The following HOMER1 variants were observed in gnomAD, a reference collection of about 807,000 sequenced individuals.
The protein encoded by HOMER1 is homer protein homolog 1.
Under a neutral mutation model 48.9 loss-of-function variants are expected in HOMER1, and 3 were observed. The observed-to-expected ratio is 0.06, with a 90% CI of 0.03 to 0.16. The LOEUF (loss-of-function observed/expected upper bound fraction) is 0.16, where lower values mean the gene tolerates loss of function less well. Among genes scored for constraint, HOMER1 ranks in the 10% least tolerant of loss-of-function variants. HOMER1 has a pLI of 1.00. For synonymous variants in HOMER1, 134 were observed against 146.4 expected, an observed-to-expected ratio of 0.92 and a Z score of 0.61; for missense variants, 247 against 411.4, an observed-to-expected ratio of 0.60 and a Z score of 3.46.
chr5:79,402,502 T>C (rs1749558065), intron 5 of HOMER1, among the ~76,000 whole-genome samples: 1 of 152,058 alleles, frequency 6.6e-6, no homozygotes, highest in Admixed American at 6.6e-5. Flanking sequence ...CTCAAAATAC[T>C]AAAAAACACA....
chr5:79,442,695 C>T (rs1172809916), intron 4 of HOMER1, among the ~76,000 whole-genome samples: 1 of 152,194 alleles, frequency 6.6e-6, no homozygotes, highest in Non-Finnish European at 1.5e-5. Flanking sequence ...TCAGTCCATT[C>T]CAGTTTTATA....
At chr5:79,404,670 C>T (rs1363744768) in intron 5 of HOMER1, among the ~76,000 whole-genome samples, 1 of 152,144 alleles carries the variant, frequency 6.6e-6, no homozygotes, top group Non-Finnish European at 1.5e-5. Context: ...CTGAACAGTA[C>T]TGTTCAAGAG....
At chr5:79,486,824 A>T (rs1465016831) in intron 1 of HOMER1, among the ~76,000 whole-genome samples, 1 of 152,248 alleles carries the variant, frequency 6.6e-6, no homozygotes, top group African/African-American at 2.4e-5. Context: ...AAGCAATGGA[A>T]CACTATTGAG....
At chr5:79,396,105 T>A (rs1180768963) in intron 8 of HOMER1, among the ~76,000 whole-genome samples, 1 of 152,114 alleles carries the variant, frequency 6.6e-6, no homozygotes, top group Non-Finnish European at 1.5e-5. Context: ...GGTAATAAAT[T>A]CTGAGAAATC....
In HOMER1 at chr5:79,497,059, CAAAAAA is replaced by C. The variant is rs5868996; in HGVS notation, c.5+15705_5+15710del. Among the ~76,000 whole-genome samples the C allele has an allele frequency of 4.2e-3, 222 of 52,786 alleles. 1 individual carries two copies. The highest frequency in any genetic ancestry group is 0.015 in the African/African-American group (189 of 12,844). 34.6% of individuals were successfully genotyped at this position (52,786 alleles called of 152,430 possible). A position where few individuals can be genotyped will look rare whatever the true frequency, so the allele number is the denominator to read the frequency against. On this transcript the variant is annotated intron_variant, in intron 1 of 8. Coordinates refer to ENST00000334082, the MANE Select transcript of HOMER1 (RefSeq NM_004272.5). ...TGGGTAACAGAGTGAGACTTTGTCT[CAAAAAA>C]AAAAAAAAAAAAAAAAGGAAAGAAA...
rs372272748 is a variant in HOMER1, at chr5:79,498,161, G to A, written c.5+14609C>T. On this transcript the variant is annotated intron_variant, in intron 1 of 8. Coordinates refer to ENST00000334082, the MANE Select transcript of HOMER1 (RefSeq NM_004272.5). ...CACCCCTGTAATCCCTGCACTTTGG[G>A]AGGCTGAGGAGGGCGGATCACCTGA... Among the ~76,000 whole-genome samples the A allele has an allele frequency of 2.6e-4, 39 of 152,338 alleles. No individual in the cohort carries two copies. In the East Asian group the frequency reaches 5.4e-3, roughly 21 times the overall value.
At chr5:79,403,312 G>A (rs1749580018) in intron 5 of HOMER1, among the ~76,000 whole-genome samples, 1 of 152,054 alleles carries the variant, frequency 6.6e-6, no homozygotes. Context: ...GGGTAAATTT[G>A]ATGGGTTGAT....
chr5:79,487,621 G>A (rs1285738231), intron 1 of HOMER1, among the ~76,000 whole-genome samples: 3 of 152,118 alleles, frequency 2.0e-5, no homozygotes, highest in Non-Finnish European at 4.4e-5. Flanking sequence ...AGAAAAGGAG[G>A]GGAAGGAGGC....
intron 5 of HOMER1, among the ~76,000 whole-genome samples, chr5:79,404,835 C>G (rs1342684536): frequency 1.3e-5 from 2 of 151,310 alleles, no homozygotes; most frequent in East Asian, 1.9e-4. Context: ...TCCCAAGTAG[C>G]TGGGAGGTGC....
intron 1 of HOMER1, among the ~76,000 whole-genome samples, chr5:79,472,503 G>A (rs916741919): frequency 2.6e-5 from 4 of 152,038 alleles, no homozygotes; most frequent in African/African-American, 4.8e-5. Context: ...TAGGCCAGGC[G>A]TGGTGGCTCA....
chr5:79,427,640 TTTCC>T (rs1432280437), intron 5 of HOMER1, among the ~76,000 whole-genome samples: 4 of 151,350 alleles, frequency 2.6e-5, no homozygotes, highest in African/African-American at 4.9e-5. Context: ...CCTTCCTTCC[TTTCC>T]TTCCTACCTT....
chr5:79,431,129 G>A (rs1281962776), intron 5 of HOMER1, among the ~76,000 whole-genome samples: 10 of 152,024 alleles, frequency 6.6e-5, no homozygotes, highest in South Asian at 2.1e-4. Context: ...TCAGGAGTTC[G>A]AGACCAGCCT....
chr5:79,499,861 T>C (rs1347294204), intron 1 of HOMER1, among the ~76,000 whole-genome samples: 2 of 152,216 alleles, frequency 1.3e-5, no homozygotes, highest in South Asian at 2.1e-4. Flanking sequence ...CCACAGTAAA[T>C]TGTGTATCAC....
intron 5 of HOMER1, among the ~76,000 whole-genome samples, chr5:79,419,994 CT>C (rs35792233): frequency 0.19 from 28,554 of 151,940 alleles, 3,703 homozygotes; most frequent in East Asian, 0.43. Context: ...AAGAAGCATT[CT>C]TTTTTTTATC....
At chr5:79,460,736 G>C (rs1419763255) in intron 1 of HOMER1, among the ~76,000 whole-genome samples, 6 of 152,334 alleles carry the variant, frequency 3.9e-5, no homozygotes, top group Non-Finnish European at 5.9e-5. Context: ...TTGGCATCTA[G>C]TGGGTAGCAT....
At chr5:79,503,538 A>G (rs1442948705) in intron 1 of HOMER1, among the ~76,000 whole-genome samples, 3 of 146,950 alleles carry the variant, frequency 2.0e-5, no homozygotes, top group Admixed American at 2.0e-4. Flanking sequence ...CAAAGAGAAA[A>G]AAAAAAAAAA....
chr5:79,482,232 AATAAT>A (rs1437003258), intron 1 of HOMER1, among the ~76,000 whole-genome samples: 2 of 152,152 alleles, frequency 1.3e-5, no homozygotes, highest in Admixed American at 6.6e-5. Context: ...AAAAATAAAA[AATAAT>A]AGAATACAAA....
chr5:79,454,862 T>A (rs1461854954), intron 2 of HOMER1, among the ~76,000 whole-genome samples: 1 of 152,218 alleles, frequency 6.6e-6, no homozygotes, highest in East Asian at 1.9e-4. Context: ...GATTACTATA[T>A]ACACTGTGCT....
At chr5:79,510,573 A>T in intron 1 of HOMER1, 1 of 790,948 alleles carries the variant, frequency 1.3e-6, no homozygotes, top group Non-Finnish European at 2.2e-6. Context: ...CAGTTTGCCA[A>T]GAAACACAAC....
Sources: allele counts gnomAD v4.1 joint callset (sites outside exome capture counted in the v4.1 genomes callset), GRCh38; gene constraint gnomAD v4.1.1; transcripts MANE v1.5; gene names NCBI Gene and HGNC (gene_info 2026-07-23, HGNC 2026-07-21).